Variants in TMTC1 observed in about 807,000 individuals in gnomAD.
TMTC1 encodes transmembrane O-mannosyltransferase targeting cadherins 1, also known as protein O-mannosyl-transferase TMTC1.
In TMTC1, 73 loss-of-function variants were observed where a neutral mutation model predicts 104.8. That is an observed-to-expected ratio of 0.70 (90% CI 0.58 to 0.85). TMTC1 has a LOEUF of 0.85. TMTC1 is among the 40% of genes least tolerant of loss of function. The pLI, the probability that TMTC1 is intolerant of heterozygous loss-of-function variation, is 0.00. For missense variants in TMTC1, 1,035 were observed against 1,096.1 expected (o/e 0.94, Z 0.79); for synonymous variants, 434 against 428.7 (o/e 1.01, Z -0.15).
chr12:29,578,821 A>G (rs1945895830), intron 8 of TMTC1, among the ~76,000 whole-genome samples: 1 of 152,214 alleles, frequency 6.6e-6, no homozygotes, highest in South Asian at 2.1e-4. Context: ...GAGGTTAGCA[A>G]AAAGGAAAGG....
At chr12:29,684,036 G>T (rs1941011537) in intron 5 of TMTC1, among the ~76,000 whole-genome samples, 1 of 152,076 alleles carries the variant, frequency 6.6e-6, no homozygotes. Flanking sequence ...TAGAGACAGG[G>T]TTTCGCCATT....
chr12:29,768,722 T>G (rs867488334), intron 1 of TMTC1, among the ~76,000 whole-genome samples: 1 of 152,190 alleles, frequency 6.6e-6, no homozygotes, highest in Non-Finnish European at 1.5e-5. Flanking sequence ...ATTAAATGTT[T>G]TTAACATAAA....
intron 5 of TMTC1, among the ~76,000 whole-genome samples, chr12:29,633,787 G>C (rs1938415562): frequency 6.6e-6 from 1 of 152,098 alleles, no homozygotes; most frequent in Admixed American, 6.5e-5. Context: ...GTGGTATGGA[G>C]ATAATATGTG....
intron 7 of TMTC1, among the ~76,000 whole-genome samples, chr12:29,597,794 A>C (rs1183298239): frequency 6.6e-6 from 1 of 152,182 alleles, no homozygotes; most frequent in Non-Finnish European, 1.5e-5. Context: ...AAACCAGTAA[A>C]GCTTCCGCCC....
chr12:29,573,368 T>C (rs1945734467), intron 8 of TMTC1, among the ~76,000 whole-genome samples: 1 of 152,194 alleles, frequency 6.6e-6, no homozygotes, highest in East Asian at 1.9e-4. Flanking sequence ...GAAATCAGTT[T>C]GCAAGCATTT....
intron 5 of TMTC1, among the ~76,000 whole-genome samples, chr12:29,714,852 A>C (rs993929683): frequency 3.9e-5 from 6 of 152,242 alleles, no homozygotes; most frequent in Admixed American, 3.9e-4. Flanking sequence ...TACATGCATC[A>C]GGGCCACACA....
intron 7 of TMTC1, among the ~76,000 whole-genome samples, chr12:29,600,126 A>C (rs1246689812): frequency 6.6e-6 from 1 of 151,358 alleles, no homozygotes; most frequent in African/African-American, 2.4e-5. Context: ...GGTTAAAAAA[A>C]AAAAACATTT....
chr12:29,733,236 G>A (rs954966624), intron 5 of TMTC1, among the ~76,000 whole-genome samples: 1 of 152,194 alleles, frequency 6.6e-6, no homozygotes, highest in African/African-American at 2.4e-5. Context: ...CTGAGGTCTA[G>A]AAAGGTTGAG....
At chr12:29,611,796 C>T (rs890974338) in intron 6 of TMTC1, among the ~76,000 whole-genome samples, 2 of 152,168 alleles carry the variant, frequency 1.3e-5, no homozygotes, top group African/African-American at 2.4e-5. Context: ...GTGTTTCACA[C>T]AGATGGGGCA....
At chr12:29,541,642 G>A (rs1236144503) in intron 10 of TMTC1, among the ~76,000 whole-genome samples, 1 of 141,954 alleles carries the variant, frequency 7.0e-6, no homozygotes, top group East Asian at 2.1e-4. Context: ...TACCACAATA[G>A]TTTTTCACTG....
intron 5 of TMTC1, among the ~76,000 whole-genome samples, chr12:29,689,340 G>A (rs1321425509): frequency 6.6e-6 from 1 of 151,838 alleles, no homozygotes; most frequent in Non-Finnish European, 1.5e-5. Context: ...GGAGTGCAGT[G>A]GTCTCACTCT....
chr12:29,531,685 T>C (rs1944507655), intron 11 of TMTC1, among the ~76,000 whole-genome samples: 2 of 152,202 alleles, frequency 1.3e-5, no homozygotes, highest in African/African-American at 4.8e-5. Context: ...GTATAGCAAG[T>C]CAGAGACCAC....
chr12:29,623,070 C>A (rs1417346470), intron 6 of TMTC1, among the ~76,000 whole-genome samples: 1 of 152,168 alleles, frequency 6.6e-6, no homozygotes, highest in Non-Finnish European at 1.5e-5. Context: ...GTTGCTTACC[C>A]ATAGAAACAG....
chr12:29,697,619 C>A (rs1488086716), intron 5 of TMTC1, among the ~76,000 whole-genome samples: 1 of 152,188 alleles, frequency 6.6e-6, no homozygotes, highest in Non-Finnish European at 1.5e-5. Flanking sequence ...GCTGATCTCG[C>A]TCCAGGAGAG....
intron 8 of TMTC1, among the ~76,000 whole-genome samples, chr12:29,581,361 T>C (rs1198276373): frequency 6.6e-6 from 1 of 152,202 alleles, no homozygotes; most frequent in Admixed American, 6.6e-5. Flanking sequence ...TAGGCAAAGA[T>C]TTCTAGAAAA....
At chr12:29,571,633 T>C (rs1052298403) in intron 9 of TMTC1, among the ~76,000 whole-genome samples, 1 of 150,934 alleles carries the variant, frequency 6.6e-6, no homozygotes, top group African/African-American at 2.4e-5. Flanking sequence ...AACATGGTAA[T>C]CAATTGTCTT....
At chr12:29,703,151 A>T (rs1941647460) in intron 5 of TMTC1, among the ~76,000 whole-genome samples, 1 of 152,048 alleles carries the variant, frequency 6.6e-6, no homozygotes, top group Non-Finnish European at 1.5e-5. Flanking sequence ...CTCAAAAAAA[A>T]AAAAAAAGGA....
intron 5 of TMTC1, among the ~76,000 whole-genome samples, chr12:29,692,778 T>C (rs1941301903): frequency 1.4e-5 from 2 of 145,210 alleles, no homozygotes; most frequent in African/African-American, 5.0e-5. Context: ...AAAACATTTA[T>C]AAACAAAATA....
intron 2 of TMTC1, among the ~76,000 whole-genome samples, chr12:29,760,688 G>A (rs1457860614): frequency 1.3e-5 from 2 of 151,794 alleles, no homozygotes; most frequent in Admixed American, 1.3e-4. Flanking sequence ...AACTCAATAT[G>A]AGGAACATTT....
Sources: allele counts gnomAD v4.1 joint callset (sites outside exome capture counted in the v4.1 genomes callset), GRCh38; gene constraint gnomAD v4.1.1; transcripts MANE v1.5; gene names NCBI Gene and HGNC (gene_info 2026-07-23, HGNC 2026-07-21).